Variants in CACNA1E observed in about 807,000 individuals in gnomAD.
CACNA1E encodes the protein voltage-dependent R-type calcium channel subunit alpha-1E.
In CACNA1E, 40 loss-of-function variants were observed where a neutral mutation model predicts 259.2. The ratio of observed to expected loss-of-function variants is 0.15; its 90% CI spans 0.12 to 0.20. The LOEUF (loss-of-function observed/expected upper bound fraction) is 0.20. Among genes scored for constraint, CACNA1E ranks in the 10% least tolerant of loss-of-function variants. The pLI, the probability that CACNA1E is intolerant of heterozygous loss-of-function variation, is 1.00. For synonymous variants in CACNA1E, 1,104 were observed against 1,138.5 expected (o/e 0.97, Z 0.61); for missense variants, 1,874 against 3,040.1 (o/e 0.62, Z 9.02).
rs1259118911 is a variant in CACNA1E, at chr1:181,510,612, C to T, written c.372+30C>T. 4 of 1,398,910 alleles carry T rather than the reference C, an allele frequency of 2.9e-6. No homozygotes were observed. In the East Asian group the frequency reaches 9.1e-5, roughly 32 times the overall value. 86.7% of individuals were successfully genotyped at this position (1,398,910 alleles called of 1,614,324 possible). A position where few individuals can be genotyped will look rare whatever the true frequency, so the allele number is the denominator to read the frequency against. ...GTGATTCCCCTCCTTCTCCCCTTTG[C>T]CCCTTTTGTCTTTCTTGGTTTCTTC... On this transcript the variant is annotated intron_variant, in intron 2 of 47. Coordinates refer to ENST00000367573, the MANE Select transcript of CACNA1E (RefSeq NM_001205293.3).
chr1:181,688,370 T>G (rs1650797261), intron 7 of CACNA1E, among the ~76,000 whole-genome samples: 1 of 152,214 alleles, frequency 6.6e-6, no homozygotes, highest in South Asian at 2.1e-4. Flanking sequence ...AGCAGAAGTG[T>G]AAGTGTATTG....
At chr1:181,597,436 A>G (rs565748483) in intron 6 of CACNA1E, among the ~76,000 whole-genome samples, 1 of 152,308 alleles carries the variant, frequency 6.6e-6, no homozygotes, top group African/African-American at 2.4e-5. Context: ...CTCCTCTCCC[A>G]GGACAAAACA....
intron 7 of CACNA1E, among the ~76,000 whole-genome samples, chr1:181,694,344 A>T (rs1651495277): frequency 6.6e-6 from 1 of 152,116 alleles, no homozygotes; most frequent in South Asian, 2.1e-4. Context: ...ATAGAAAAGA[A>T]CTTTCTCAGT....
intron 1 of CACNA1E, among the ~76,000 whole-genome samples, chr1:181,508,936 C>T (rs961298535): frequency 8.6e-5 from 13 of 151,976 alleles, no homozygotes; most frequent in African/African-American, 1.2e-4. Context: ...TTTTTAGTTC[C>T]GGTGGCTGAA....
At chr1:181,557,835 T>C (rs1648898703) in intron 3 of CACNA1E, among the ~76,000 whole-genome samples, 1 of 152,148 alleles carries the variant, frequency 6.6e-6, no homozygotes, top group Non-Finnish European at 1.5e-5. Context: ...GAAAGTGAGA[T>C]TGCTGCCAAA....
At chr1:181,615,298 C>A (rs547944052) in intron 6 of CACNA1E, among the ~76,000 whole-genome samples, 2 of 152,266 alleles carry the variant, frequency 1.3e-5, no homozygotes, top group Non-Finnish European at 1.5e-5. Flanking sequence ...TCGAGCAATT[C>A]TCTGTCTCAG....
chr1:181,580,062 C>A (rs958655486), intron 5 of CACNA1E, among the ~76,000 whole-genome samples: 2 of 152,140 alleles, frequency 1.3e-5, no homozygotes, highest in Non-Finnish European at 2.9e-5. Context: ...AAGTACCATG[C>A]TTTTTATGAA....
intron 44 of CACNA1E, among the ~76,000 whole-genome samples, chr1:181,793,200 G>C (rs545382368): frequency 2.6e-5 from 4 of 152,162 alleles, no homozygotes; most frequent in Non-Finnish European, 5.9e-5. Flanking sequence ...TTAACGTCAC[G>C]TGTCTTAAGG....
chr1:181,431,164 G>A (rs1659690022), intron 2 of CACNA1E, among the ~76,000 whole-genome samples: 1 of 152,184 alleles, frequency 6.6e-6, no homozygotes. Context: ...AGGTAAATTG[G>A]AGCTCTGCTT....
At chr1:181,448,383 C>T (rs1371285475) in intron 2 of CACNA1E, among the ~76,000 whole-genome samples, 2 of 152,206 alleles carry the variant, frequency 1.3e-5, no homozygotes, top group Non-Finnish European at 2.9e-5. Flanking sequence ...GAGAAATTAA[C>T]TAACTTTCCT....
intron 18 of CACNA1E, among the ~76,000 whole-genome samples, chr1:181,728,398 T>G (rs1558313657): frequency 6.6e-6 from 1 of 152,146 alleles, no homozygotes; most frequent in Non-Finnish European, 1.5e-5. Flanking sequence ...CACAGTGAGG[T>G]GGAAGGACGT....
chr1:181,514,442 C>A (rs577066743), intron 3 of CACNA1E, among the ~76,000 whole-genome samples: 1 of 152,168 alleles, frequency 6.6e-6, no homozygotes, highest in Non-Finnish European at 1.5e-5. Flanking sequence ...CTCTTAATGG[C>A]AGATGCAGGA....
intron 1 of CACNA1E, among the ~76,000 whole-genome samples, chr1:181,343,898 C>G (rs879731593): frequency 6.6e-6 from 1 of 152,134 alleles, no homozygotes; most frequent in African/African-American, 2.4e-5. Flanking sequence ...TCTGCCTCCC[C>G]GGCTTCTCCT....
intron 7 of CACNA1E, among the ~76,000 whole-genome samples, chr1:181,696,398 A>G (rs1651709340): frequency 6.6e-6 from 1 of 152,242 alleles, no homozygotes; most frequent in African/African-American, 2.4e-5. Flanking sequence ...TCTGCAAAAT[A>G]TAACATTTTT....
chr1:181,370,045 G>T (rs1035285167), intron 1 of CACNA1E, among the ~76,000 whole-genome samples: 2 of 151,404 alleles, frequency 1.3e-5, no homozygotes, highest in Admixed American at 1.3e-4. Context: ...TCACAGTTGA[G>T]AATTTTAATT....
intron 1 of CACNA1E, among the ~76,000 whole-genome samples, chr1:181,361,532 G>A (rs1207414309): frequency 6.6e-6 from 1 of 152,142 alleles, no homozygotes; most frequent in African/African-American, 2.4e-5. Flanking sequence ...GTGGTTGCTA[G>A]AGGGCTGGCC....
At chr1:181,698,603 A>G (rs1651938048) in intron 7 of CACNA1E, among the ~76,000 whole-genome samples, 1 of 152,044 alleles carries the variant, frequency 6.6e-6, no homozygotes, top group South Asian at 2.1e-4. Context: ...TGTCACTGTC[A>G]TTGTATATGT....
rs761958333 is a variant in CACNA1E, at chr1:181,790,533, C to A, written c.5875C>A (p.Gln1959Lys). Residue 1959 changes from glutamine to lysine, a missense_variant, in exon 44 of 48, where the codon CAG becomes AAG. Gln to Lys is a moderately conservative substitution (Grantham distance 53). Around this residue, in one of 14 missense-constraint regions of CACNA1E, gnomAD observed 542 missense variants for 587.2 expected, o/e 0.92. Coordinates refer to ENST00000367573, the MANE Select transcript of CACNA1E (RefSeq NM_001205293.3). ...LACMDPADDGQFQERQSLEPE... is the reference protein window; with the variant it reads ...LACMDPADDGKFQERQSLEPE... ...TTGTATGGACCCCGCCGATGACGGA[C>A]AGTTCCAAGAACGGCAGTCTCTGGT... is the stretch of plus-strand genomic sequence containing the variant. 17 of 1,610,098 alleles carry A rather than the reference C, an allele frequency of 1.1e-5. No individual in the cohort carries two copies. Among genetic ancestry groups the A allele is most frequent in the Non-Finnish European group, 1.3e-5 (15 of 1,176,268 alleles).
At chr1:181,361,143 A>C (rs1186835129) in intron 1 of CACNA1E, among the ~76,000 whole-genome samples, 4 of 152,144 alleles carry the variant, frequency 2.6e-5, no homozygotes, top group African/African-American at 9.7e-5. Context: ...TGGCCTAGAC[A>C]CTGAATCCTC....
Sources: allele counts gnomAD v4.1 joint callset (sites outside exome capture counted in the v4.1 genomes callset), GRCh38; gene constraint gnomAD v4.1.1; regional missense constraint gnomAD v4.1.1; transcripts MANE v1.5; gene names NCBI Gene and HGNC (gene_info 2026-07-23, HGNC 2026-07-21).